The following DACH1 variants were observed in gnomAD, a reference collection of about 807,000 sequenced individuals.
The protein encoded by DACH1 is dachshund family transcription factor 1.
DACH1 carries 12 observed loss-of-function variants against 54.2 expected under a neutral mutation model. The ratio of observed to expected loss-of-function variants is 0.22; its 90% CI spans 0.14 to 0.36. The LOEUF is 0.36. DACH1 is among the 10% of genes least tolerant of loss of function. The pLI, the probability that DACH1 is intolerant of heterozygous loss-of-function variation, is 1.00. For synonymous variants in DACH1, 386 were observed against 366.2 expected, an observed-to-expected ratio of 1.05 and a Z score of -0.62; for missense variants, 805 against 929.8, an observed-to-expected ratio of 0.87 and a Z score of 1.75.
chr13:71,584,863 T>G (rs1367494373), intron 3 of DACH1, among the ~76,000 whole-genome samples: 3 of 152,078 alleles, frequency 2.0e-5, no homozygotes, highest in African/African-American at 7.2e-5. Flanking sequence ...ACTAAGATTA[T>G]TATGCAGTCA....
rs116598158 is a variant in DACH1 at position 71,455,452 on chromosome 13, T to C, written c.2084-14760A>G. On this transcript the variant is annotated intron_variant, in intron 10 of 10. Transcript: ENST00000613252. The stretch of plus-strand genomic sequence containing the variant: ...TTGTATTATCCTAGGGTGCTTTGAT[T>C]GTACTGGGAATAAAAACAGATTTTC... Among the ~76,000 whole-genome samples, 1,348 of 152,214 alleles carry C rather than the reference T, an allele frequency of 8.9e-3. 8 individuals are homozygous for C. The highest frequency in any genetic ancestry group is 0.017 in the African/African-American group (716 of 41,546).
At chr13:71,643,954 G>T (rs368608320) in intron 2 of DACH1, among the ~76,000 whole-genome samples, 1 of 151,950 alleles carries the variant, frequency 6.6e-6, no homozygotes, top group African/African-American at 2.4e-5. Context: ...TAAAAGCAGA[G>T]GTCAGCTTTG....
At chr13:71,812,845 C>G (rs1311899529) in intron 1 of DACH1, among the ~76,000 whole-genome samples, 3 of 152,172 alleles carry the variant, frequency 2.0e-5, no homozygotes, top group Non-Finnish European at 4.4e-5. Context: ...ATCTCCTAAA[C>G]TGTGACTGGT....
chr13:71,590,308 A>T (rs1873605125), intron 3 of DACH1, among the ~76,000 whole-genome samples: 1 of 152,182 alleles, frequency 6.6e-6, no homozygotes, highest in South Asian at 2.1e-4. Context: ...CACAAAAGTC[A>T]TACTTATATT....
At chr13:71,683,354 A>C (rs1368424767) in intron 1 of DACH1, among the ~76,000 whole-genome samples, 2 of 152,170 alleles carry the variant, frequency 1.3e-5, no homozygotes, top group African/African-American at 4.8e-5. Context: ...CAGCGGGAAC[A>C]TTAGAAGACA....
rs71123235 is a variant in DACH1 at position 71,656,921 on chromosome 13, CATATATATATATATAT to C, written c.964+24858_964+24873del. ...GAGTACAGATTGACTGTTCTTCTTT[CATATATATATATATAT>C]ATATATATATATGCGCATATAAATA... On this transcript the variant is annotated intron_variant, in intron 2 of 10. Coordinates refer to ENST00000613252, the MANE Select transcript of DACH1 (RefSeq NM_080759.6). Among the ~76,000 whole-genome samples, 271 of 83,424 alleles carry C rather than the reference CATATATATATATATAT, an allele frequency of 3.2e-3. 5 individuals are homozygous for C. The highest frequency in any genetic ancestry group is 9.9e-3 in the African/African-American group (227 of 22,998). The allele number at this position is 83,424 out of a possible 152,430, so 54.7% of individuals were successfully genotyped here.
chr13:71,839,936 C>T (rs934244010), intron 1 of DACH1, among the ~76,000 whole-genome samples: 7 of 151,762 alleles, frequency 4.6e-5, no homozygotes, highest in Non-Finnish European at 8.8e-5. Flanking sequence ...CCACTAAAGC[C>T]GTATTTATTT....
At chr13:71,738,153 T>C (rs1170304507) in intron 1 of DACH1, among the ~76,000 whole-genome samples, 2 of 152,148 alleles carry the variant, frequency 1.3e-5, no homozygotes, top group African/African-American at 2.4e-5. Flanking sequence ...CTTGCAGGGT[T>C]TGATAAATTT....
At chr13:71,620,650 T>C (rs2138541258) in intron 3 of DACH1, among the ~76,000 whole-genome samples, 1 of 152,146 alleles carries the variant, frequency 6.6e-6, no homozygotes, top group African/African-American at 2.4e-5. Flanking sequence ...TATACTTACA[T>C]AATTTTGTGT....
intron 1 of DACH1, among the ~76,000 whole-genome samples, chr13:71,824,511 C>A (rs1398380213): frequency 6.6e-6 from 1 of 151,834 alleles, no homozygotes; most frequent in Non-Finnish European, 1.5e-5. Flanking sequence ...CAGCACATGG[C>A]AGGGACTCAA....
chr13:71,655,732 C>T (rs1402585547), intron 2 of DACH1, among the ~76,000 whole-genome samples: 1 of 152,150 alleles, frequency 6.6e-6, no homozygotes, highest in Non-Finnish European at 1.5e-5. Flanking sequence ...AGAAATGACA[C>T]TTAAATCCTT....
At chr13:71,816,941 G>A (rs1016085550) in intron 1 of DACH1, among the ~76,000 whole-genome samples, 1 of 152,002 alleles carries the variant, frequency 6.6e-6, no homozygotes, top group African/African-American at 2.4e-5. Flanking sequence ...AGAGGATCAG[G>A]AAGAACAACT....
At chr13:71,598,586 G>C (rs1438225877) in intron 3 of DACH1, among the ~76,000 whole-genome samples, 1 of 151,972 alleles carries the variant, frequency 6.6e-6, no homozygotes, top group Non-Finnish European at 1.5e-5. Context: ...ACACTCTTTT[G>C]TGATGTAGAA....
At chr13:71,738,351 G>T (rs758588195) in intron 1 of DACH1, among the ~76,000 whole-genome samples, 1 of 152,064 alleles carries the variant, frequency 6.6e-6, no homozygotes, top group Non-Finnish European at 1.5e-5. Context: ...ATTCCATGGT[G>T]AAAAAGATAC....
At chr13:71,855,147 T>G (rs1186106502) in intron 1 of DACH1, among the ~76,000 whole-genome samples, 1 of 152,106 alleles carries the variant, frequency 6.6e-6, no homozygotes, top group South Asian at 2.1e-4. Flanking sequence ...TTATGTTTGG[T>G]TCTTATTGGG....
intron 1 of DACH1, among the ~76,000 whole-genome samples, chr13:71,712,555 T>G (rs1290922330): frequency 6.6e-6 from 1 of 152,176 alleles, no homozygotes; most frequent in African/African-American, 2.4e-5. Flanking sequence ...GTTTAGGTTG[T>G]AGTCTAAAGT....
At position 71,498,158 on chromosome 13, in the gene DACH1, G is replaced by A. The variant is rs139166728; in HGVS notation, c.1571-9010C>T. 2.8e-3 allele frequency among the ~76,000 whole-genome samples: 421 copies of A among 152,216 alleles called. 2 individuals carry two copies. The highest frequency in any genetic ancestry group is 9.5e-3 in the African/African-American group (395 of 41,544). On this transcript the variant is annotated intron_variant, in intron 6 of 10. Transcript: ENST00000613252. ...CTAATTTAATGCATATGTATTCCAC[G>A]CTTATTATATGCAACTATCACCTAT...
chr13:71,753,283 A>T (rs188851327), intron 1 of DACH1, among the ~76,000 whole-genome samples: 92 of 152,292 alleles, frequency 6.0e-4, no homozygotes, highest in Non-Finnish European at 2.5e-4. Context: ...TTACCAGATC[A>T]ATATCTCGCT....
At chr13:71,711,045 C>G (rs1388259853) in intron 1 of DACH1, among the ~76,000 whole-genome samples, 2 of 152,028 alleles carry the variant, frequency 1.3e-5, no homozygotes, top group Admixed American at 6.6e-5. Flanking sequence ...AGAAATGGTT[C>G]TAAGTAGAAA....
Sources: allele counts gnomAD v4.1 joint callset (sites outside exome capture counted in the v4.1 genomes callset), GRCh38; gene constraint gnomAD v4.1.1; transcripts MANE v1.5; gene names NCBI Gene and HGNC (gene_info 2026-07-23, HGNC 2026-07-21).